The following CNTNAP2 variants were observed in gnomAD, a reference collection of about 807,000 sequenced individuals.
CNTNAP2 encodes the protein contactin associated protein 2.
A neutral mutation model predicts 155.2 loss-of-function variants in CNTNAP2; 98 were observed. The ratio of observed to expected loss-of-function variants is 0.63; its 90% CI spans 0.54 to 0.75. The LOEUF (loss-of-function observed/expected upper bound fraction) is 0.75. Among genes scored for constraint, CNTNAP2 ranks in the 30% least tolerant of loss-of-function variants. The probability of loss-of-function intolerance (pLI) is 0.00; values close to 1 mark genes in which losing one functional copy is unlikely to be tolerated. For missense variants in CNTNAP2, 1,727 were observed against 1,688.1 expected, an observed-to-expected ratio of 1.02 and a Z score of -0.40; for synonymous variants, 651 against 631.2, an observed-to-expected ratio of 1.03 and a Z score of -0.47.
intron 17 of CNTNAP2, 88 bp from the exon 18 acceptor site, chr7:148,172,153 CA>C: frequency 7.8e-7 from 1 of 1,274,776 alleles, no homozygotes; most frequent in Non-Finnish European, 1.1e-6. Context: ...TATGCAGTGT[CA>C]TCTCCTACCA....
intron 1 of CNTNAP2, among the ~76,000 whole-genome samples, chr7:146,281,098 C>A (rs543249049): frequency 1.3e-5 from 2 of 152,132 alleles, no homozygotes; most frequent in African/African-American, 4.8e-5. Context: ...TGGGCCAAGG[C>A]GGGTCACAGC....
intron 11 of CNTNAP2, among the ~76,000 whole-genome samples, chr7:147,491,357 C>T (rs1249865629): frequency 2.0e-5 from 3 of 152,116 alleles, no homozygotes; most frequent in Admixed American, 1.3e-4. Context: ...TACCTCTCTG[C>T]TTTGTCTAGT....
chr7:147,542,174 A>C (rs1161332672), intron 11 of CNTNAP2, among the ~76,000 whole-genome samples: 4 of 151,994 alleles, frequency 2.6e-5, no homozygotes, highest in Non-Finnish European at 2.9e-5. Context: ...AATTAACTAA[A>C]CTCTCCACTT....
intron 14 of CNTNAP2, among the ~76,000 whole-genome samples, chr7:147,971,601 T>G (rs1019530523): frequency 1.3e-5 from 2 of 152,210 alleles, no homozygotes; most frequent in Non-Finnish European, 2.9e-5. Flanking sequence ...TTTTGAGGTT[T>G]GTTCATGTTG....
chr7:147,132,303 C>T lies in CNTNAP2; in HGVS notation c.1142C>T (p.Thr381Ile), dbSNP rs1406155151. Residue 381 changes from threonine (T) to isoleucine (I), a missense_variant, in exon 8 of 24, where the codon ACA becomes ATA. By Grantham distance (89) the Thr-to-Ile change is moderately conservative. Transcript: ENST00000361727. ...PYTVPVFFNA[T>I]SYLEVPGRLN... is the part of the protein sequence containing the mutation. ...ACGGTGCCTGTCTTTTTCAACGCTA[C>T]AAGTTACCTGGAGGTGCCCGGACGG... 1.2e-6 allele frequency: 2 copies of T among 1,613,622 alleles called. No individual in the cohort carries two copies. The highest frequency in any genetic ancestry group is 1.7e-6 in the Non-Finnish European group (2 of 1,179,794).
chr7:147,732,701 G>T (rs1796764769), intron 13 of CNTNAP2, among the ~76,000 whole-genome samples: 1 of 152,164 alleles, frequency 6.6e-6, no homozygotes, highest in Non-Finnish European at 1.5e-5. Flanking sequence ...AGCACCTGCT[G>T]TTTCCTGACT....
intron 3 of CNTNAP2, among the ~76,000 whole-genome samples, chr7:146,903,306 T>C (rs1397617911): frequency 3.9e-5 from 6 of 152,246 alleles, no homozygotes; most frequent in Middle Eastern, 3.4e-3. Flanking sequence ...GTAAACACCA[T>C]TACTATGCTG....
intron 4 of CNTNAP2, among the ~76,000 whole-genome samples, chr7:147,084,548 TA>T (rs1563071075): frequency 2.1e-5 from 3 of 145,278 alleles, no homozygotes; most frequent in African/African-American, 7.4e-5. Context: ...TAATATATAA[TA>T]ATATAATAAT....
At chr7:147,714,425 CTTTG>C (rs1352148250) in intron 13 of CNTNAP2, among the ~76,000 whole-genome samples, 4 of 110,652 alleles carry the variant, frequency 3.6e-5, no homozygotes, top group African/African-American at 5.2e-5. Flanking sequence ...GAAAGAGGTT[CTTTG>C]TTTGTGTGTT....
intron 2 of CNTNAP2, among the ~76,000 whole-genome samples, chr7:146,781,426 C>T (rs1412731612): frequency 6.6e-6 from 1 of 152,046 alleles, no homozygotes. Context: ...AAAGACACCA[C>T]TGAAGTTCAT....
At chr7:147,945,113 G>A (rs1800796894) in intron 14 of CNTNAP2, among the ~76,000 whole-genome samples, 2 of 152,206 alleles carry the variant, frequency 1.3e-5, no homozygotes, top group African/African-American at 4.8e-5. Context: ...CAAATCAATT[G>A]GAGAAAAATT....
chr7:148,207,363 A>G (rs1795468695), intron 18 of CNTNAP2, among the ~76,000 whole-genome samples: 1 of 152,318 alleles, frequency 6.6e-6, no homozygotes, highest in East Asian at 1.9e-4. Flanking sequence ...TACGCGAAGG[A>G]GAATGGCCGC....
chr7:146,863,816 A>G (rs541715782), intron 3 of CNTNAP2, among the ~76,000 whole-genome samples: 26 of 152,122 alleles, frequency 1.7e-4, no homozygotes, highest in Non-Finnish European at 3.4e-4. Context: ...TATGGACAAA[A>G]AGTGTTAGTT....
chr7:148,154,523 CA>C (rs1805364089), intron 17 of CNTNAP2, among the ~76,000 whole-genome samples: 1 of 151,984 alleles, frequency 6.6e-6, no homozygotes, highest in Non-Finnish European at 1.5e-5. Flanking sequence ...ATTGAGAGAC[CA>C]AAGAGAAAAT....
intron 3 of CNTNAP2, among the ~76,000 whole-genome samples, chr7:146,996,730 G>T (rs1798314415): frequency 6.6e-6 from 1 of 151,986 alleles, no homozygotes; most frequent in Non-Finnish European, 1.5e-5. Context: ...TTCTGGCTAG[G>T]ACTTCTAGTA....
intron 1 of CNTNAP2, among the ~76,000 whole-genome samples, chr7:146,225,622 GCA>G (rs2116904424): frequency 6.6e-6 from 1 of 152,276 alleles, no homozygotes; most frequent in African/African-American, 2.4e-5. Flanking sequence ...CATTAGCAGT[GCA>G]CAGACAGTCA....
At chr7:147,802,840 A>G (rs1378326598) in intron 13 of CNTNAP2, among the ~76,000 whole-genome samples, 6 of 151,200 alleles carry the variant, frequency 4.0e-5, no homozygotes, top group African/African-American at 7.4e-5. Context: ...AGCTCTATGA[A>G]GTTTTATCAA....
intron 8 of CNTNAP2, among the ~76,000 whole-genome samples, chr7:147,250,744 T>G (rs1156911340): frequency 1.3e-5 from 2 of 152,164 alleles, no homozygotes; most frequent in Non-Finnish European, 2.9e-5. Flanking sequence ...TTGTATCATC[T>G]ACATCACTTG....
At chr7:146,246,475 A>C (rs955870396) in intron 1 of CNTNAP2, among the ~76,000 whole-genome samples, 3 of 149,978 alleles carry the variant, frequency 2.0e-5, no homozygotes, top group African/African-American at 7.6e-5. Context: ...CAATACCCAC[A>C]ACAGTTATGG....
Sources: gnomAD v4.1 joint callset for allele counts (sites outside exome capture counted in the v4.1 genomes callset) on GRCh38, gnomAD v4.1.1 for gene constraint, MANE v1.5 for transcripts, NCBI Gene and HGNC (gene_info 2026-07-23, HGNC 2026-07-21) for gene names.